Variants in RBFOX3 observed in about 807,000 individuals in gnomAD.
RBFOX3 encodes the protein RNA binding protein fox-1 homolog 3.
In RBFOX3, 17 loss-of-function variants were observed where a neutral mutation model predicts 48.7. That is an observed-to-expected ratio of 0.35 (90% CI 0.24 to 0.52). The LOEUF (loss-of-function observed/expected upper bound fraction) is 0.52, where lower values mean the gene tolerates loss of function less well. Among genes scored for constraint, RBFOX3 ranks in the 20% least tolerant of loss-of-function variants. The pLI is 0.94. For synonymous variants in RBFOX3, 212 were observed against 209.5 expected (o/e 1.01, Z -0.10); for missense variants, 382 against 497.5 (o/e 0.77, Z 2.21).
At chr17:79,126,638 G>A (rs2037380045) in intron 4 of RBFOX3, among the ~76,000 whole-genome samples, 1 of 152,156 alleles carries the variant, frequency 6.6e-6, no homozygotes, top group African/African-American at 2.4e-5. Flanking sequence ...GCATGGCAGG[G>A]AGTCTACATC....
the RBFOX3 span, among the ~76,000 whole-genome samples, chr17:79,654,144 C>T: frequency 6.6e-6 from 1 of 152,156 alleles, no homozygotes; most frequent in Admixed American, 6.5e-5. Context: ...TTGCAAAGGC[C>T]TTCCAGTTTT....
intron 2 of RBFOX3, among the ~76,000 whole-genome samples, chr17:79,350,007 A>G (rs1240840979): frequency 6.6e-6 from 1 of 152,174 alleles, no homozygotes; most frequent in African/African-American, 2.4e-5. Flanking sequence ...CCATGCCACC[A>G]AAGTCGTCCT....
At chr17:79,265,915 A>T (rs1006693380) in intron 3 of RBFOX3, among the ~76,000 whole-genome samples, 45 of 152,224 alleles carry the variant, frequency 3.0e-4, no homozygotes, top group Non-Finnish European at 6.0e-4. Flanking sequence ...AGCTCAGGTC[A>T]AGAAGGCTCA....
At chr17:79,262,805 C>A (rs370587581) in intron 3 of RBFOX3, among the ~76,000 whole-genome samples, 12 of 152,392 alleles carry the variant, frequency 7.9e-5, no homozygotes, top group East Asian at 7.7e-4. Flanking sequence ...GGATGGAAAC[C>A]AACCCATATG....
Position 79,289,838 on chromosome 17 carries a change from T to G in RBFOX3, c.-74+17886A>C, listed in dbSNP as rs375278400. On this transcript the variant is annotated intron_variant, in intron 3 of 14. Coordinates refer to ENST00000693108, the MANE Select transcript of RBFOX3 (RefSeq NM_001350451.2). ...AGAACAGCTCTCTGGTGGCTTTCTGTAGTGAACATGACATCAATAACATTG... is the reference window on the plus strand; with the variant it reads ...AGAACAGCTCTCTGGTGGCTTTCTGGAGTGAACATGACATCAATAACATTG... Among the ~76,000 whole-genome samples the G allele has an allele frequency of 8.6e-4, 131 of 152,370 alleles. 3 individuals are homozygous for G. In the South Asian group the frequency reaches 0.027, roughly 31 times the overall value.
At chr17:79,536,610 G>C (rs944110036) in intron 1 of RBFOX3, among the ~76,000 whole-genome samples, 5 of 147,962 alleles carry the variant, frequency 3.4e-5, no homozygotes, top group Admixed American at 3.3e-4. Flanking sequence ...CTTGGCCACG[G>C]GTGTTTTCCC....
In RBFOX3 at chr17:79,610,877, G is replaced by A. The variant is rs2093956109; in HGVS notation, c.-371C>T. Among the ~76,000 whole-genome samples the A allele has an allele frequency of 6.6e-6, 1 of 151,668 alleles. No individual in the cohort carries two copies. Among genetic ancestry groups the A allele is most frequent in the African/African-American group, 2.4e-5 (1 of 41,386 alleles). ...ACTGGGGGCCGGCGGCCATGCCCCGGCTGCATCCCGGCCGCCGAGCGGGCA... is the reference window on the plus strand; with the variant it reads ...ACTGGGGGCCGGCGGCCATGCCCCGACTGCATCCCGGCCGCCGAGCGGGCA... On this transcript the variant is annotated 5_prime_UTR_variant, in exon 1 of 15. Transcript: ENST00000693108.
chr17:79,115,685 GGTA>G lies in RBFOX3; in HGVS notation c.28_30del (p.Tyr10del). The G allele has an allele frequency of 1.7e-6, 1 of 574,784 alleles. No homozygotes were observed. Among genetic ancestry groups the G allele is most frequent in the Non-Finnish European group, 2.9e-6 (1 of 347,148 alleles). The allele number at this position is 574,784 out of a possible 1,614,324, so 35.6% of individuals were successfully genotyped here. A position where few individuals can be genotyped will look rare whatever the true frequency, so the allele number is the denominator to read the frequency against. ...GGGATGCCGTTCTGTGGCGGAGGGG[GGTA>G]CTGGGCGGGGGGGTAGGGCTGGGCC... On this transcript the variant is annotated inframe_deletion, in exon 5 of 15. Coordinates refer to ENST00000693108, the MANE Select transcript of RBFOX3 (RefSeq NM_001350451.2).
Position 79,103,183 on chromosome 17 carries a change from G to A in RBFOX3, c.486C>T (p.Ile162=), listed in dbSNP as rs1037000168. Residue 162 remains isoleucine, a synonymous_variant, in exon 8 of 15, where the codon ATC becomes ATT. Transcript: ENST00000693108. The surrounding 1 kb of genome is among the most constrained non-coding windows in gnomAD (Gnocchi z 6.1). ...GCACCTCAATTTTCCGTCCCTCTAC[G>A]ATCGTCCCATTCAGCTTCTCCCGGG... The part of the protein sequence containing the change: ...DRAREKLNGT[I]VEGRKIEVNN... The A allele has an allele frequency of 1.9e-6, 3 of 1,551,184 alleles. No individual in the cohort carries two copies. Among genetic ancestry groups the A allele is most frequent in the Non-Finnish European group, 2.6e-6 (3 of 1,146,842 alleles).
the RBFOX3 span, among the ~76,000 whole-genome samples, chr17:79,631,168 G>A: frequency 3.9e-5 from 6 of 152,142 alleles, no homozygotes; most frequent in Admixed American, 6.6e-5. Context: ...GCATCAGGAC[G>A]TTGAAACCTC....
intron 4 of RBFOX3, among the ~76,000 whole-genome samples, chr17:79,213,489 G>A (rs555394050): frequency 1.3e-3 from 197 of 152,340 alleles, no homozygotes; most frequent in African/African-American, 4.5e-3. Flanking sequence ...CCAAAGTCAA[G>A]GGCTGGCCCT....
intron 2 of RBFOX3, among the ~76,000 whole-genome samples, chr17:79,461,433 T>G (rs1555748727): frequency 6.6e-6 from 1 of 152,172 alleles, no homozygotes; most frequent in Non-Finnish European, 1.5e-5. Flanking sequence ...GATGGAGAGA[T>G]TGCATCTCCA....
intron 4 of RBFOX3, among the ~76,000 whole-genome samples, chr17:79,156,746 T>G (rs551998803): frequency 3.3e-5 from 5 of 152,296 alleles, no homozygotes; most frequent in Non-Finnish European, 7.4e-5. Context: ...CCAGGTGCTG[T>G]CTGGCCTCGT....
chr17:79,211,936 G>GA (rs1207182005), intron 4 of RBFOX3, among the ~76,000 whole-genome samples: 1 of 152,104 alleles, frequency 6.6e-6, no homozygotes, highest in Non-Finnish European at 1.5e-5. Context: ...ACGTGGGGGG[G>GA]AACAAGACAG....
At chr17:79,455,267 G>C (rs954596727) in intron 2 of RBFOX3, among the ~76,000 whole-genome samples, 1 of 152,214 alleles carries the variant, frequency 6.6e-6, no homozygotes, top group Non-Finnish European at 1.5e-5. Flanking sequence ...CCGTGACGGG[G>C]GAGCGGAGAG....
intron 2 of RBFOX3, among the ~76,000 whole-genome samples, chr17:79,404,007 T>G (rs2063195630): frequency 6.6e-6 from 1 of 152,164 alleles, no homozygotes; most frequent in African/African-American, 2.4e-5. Context: ...CTTGATCTCC[T>G]GACCTCGTGA....
At chr17:79,120,664 G>T (rs894606972) in intron 4 of RBFOX3, among the ~76,000 whole-genome samples, 4 of 138,310 alleles carry the variant, frequency 2.9e-5, no homozygotes, top group Non-Finnish European at 4.6e-5. Flanking sequence ...ATGCACGGAT[G>T]AATGGATGGG....
In RBFOX3 at chr17:79,406,888, TC is replaced by T. The variant is rs375417183; in HGVS notation, c.-175+75565del. ...GAAATACCCGAAGCTGGCTCCAGACTCCTCTATGCAGCTGAAGTGGATCTGC... is the reference window on the plus strand; with the variant it reads ...GAAATACCCGAAGCTGGCTCCAGACTCTCTATGCAGCTGAAGTGGATCTGC... On this transcript the variant is annotated intron_variant, in intron 2 of 14. Transcript: ENST00000693108. Among the ~76,000 whole-genome samples, 170 of 152,278 alleles carry T rather than the reference TC, an allele frequency of 1.1e-3. 1 individual carries two copies. The South Asian group carries it at 0.02, about 18-fold the overall frequency.
intron 4 of RBFOX3, among the ~76,000 whole-genome samples, chr17:79,177,343 G>A (rs1159380572): frequency 1.3e-5 from 2 of 152,340 alleles, no homozygotes; most frequent in South Asian, 2.1e-4. Context: ...CTCCAAGGAC[G>A]GCAGCCGTTT....
Sources: allele counts gnomAD v4.1 joint callset (sites outside exome capture counted in the v4.1 genomes callset), GRCh38; gene constraint gnomAD v4.1.1; non-coding constraint Gnocchi (gnomAD v3.1); transcripts MANE v1.5; gene names NCBI Gene and HGNC (gene_info 2026-07-23, HGNC 2026-07-21).